ACP3: variants seen among roughly 807,000 people sequenced by gnomAD.
The protein encoded by ACP3 is acid phosphatase 3.
In ACP3, 38 loss-of-function variants were observed where a neutral mutation model predicts 45.6. The observed-to-expected ratio is 0.83, with a 90% CI of 0.64 to 1.09. The LOEUF is 1.09. Ranked by LOEUF, ACP3 falls within the 50% of genes least tolerant of loss-of-function variation. ACP3 has a pLI of 0.00. For missense variants in ACP3, 466 were observed against 463.2 expected, an observed-to-expected ratio of 1.01 and a Z score of -0.05; for synonymous variants, 162 against 164.7, an observed-to-expected ratio of 0.98 and a Z score of 0.13.
chr3:132,319,045 T>C (rs1576404277), intron 1 of ACP3, among the ~76,000 whole-genome samples: 1 of 152,202 alleles, frequency 6.6e-6, no homozygotes, highest in Admixed American at 6.5e-5. Flanking sequence ...AAAGCCAAAA[T>C]ACAAAGCTAG....
intron 1 of ACP3, 122 bp downstream of exon 1, chr3:132,317,698 C>T (rs556007449): frequency 2.7e-6 from 3 of 1,118,704 alleles, no homozygotes; most frequent in South Asian, 4.8e-5. Flanking sequence ...TCTGTTCAAA[C>T]TCAGAAAGTG....
At chr3:132,325,830 AC>A (rs1304698464) in intron 1 of ACP3, among the ~76,000 whole-genome samples, 1 of 152,194 alleles carries the variant, frequency 6.6e-6, no homozygotes, top group Non-Finnish European at 1.5e-5. Flanking sequence ...GTGAGTTTAG[AC>A]AGGTCACTTA....
At chr3:132,342,412 G>T in intron 5 of ACP3, 140 bp from the exon 6 acceptor site, 1 of 525,668 alleles carries the variant, frequency 1.9e-6, no homozygotes. Flanking sequence ...CATCTAGTGG[G>T]CAGAGGCCAG....
chr3:132,343,069 G>T (rs979464816), intron 6 of ACP3, among the ~76,000 whole-genome samples: 2 of 152,130 alleles, frequency 1.3e-5, no homozygotes, highest in African/African-American at 4.8e-5. Flanking sequence ...TATAAGCCAG[G>T]CTATTTATAT....
chr3:132,336,722 T>C (rs1937497229), intron 4 of ACP3, among the ~76,000 whole-genome samples: 1 of 152,024 alleles, frequency 6.6e-6, no homozygotes, highest in African/African-American at 2.4e-5. Flanking sequence ...AGTTTAGCCT[T>C]GTACATGTTA....
At chr3:132,320,068 A>T (rs980333714) in intron 1 of ACP3, among the ~76,000 whole-genome samples, 1 of 152,194 alleles carries the variant, frequency 6.6e-6, no homozygotes, top group Non-Finnish European at 1.5e-5. Flanking sequence ...TCAATAGTCA[A>T]GTTAGCTTTG....
At chr3:132,359,340 A>G (rs138399749), downstream of ACP3, among the ~76,000 whole-genome samples, 2,823 of 152,120 alleles carry the variant, frequency 0.019, 43 homozygotes, top group African/African-American at 0.042. Context: ...GTGAAACCCC[A>G]TCTCTACTAA....
chr3:132,367,742 T>C (rs1938153162), exon 11 of ACP3: 2 of 1,613,898 alleles, frequency 1.2e-6, no homozygotes, highest in African/African-American at 1.3e-5. Flanking sequence ...TTGCCTGATA[T>C]CTGCTGTCCT....
Position 132,332,357 on chromosome 3 carries a change from G to A in ACP3, c.456+13G>A, listed in dbSNP as rs768191606. ...TTCTGAAGATCAGGTCAGTATACTG[G>A]GAAAACCAGGAGATTTCAGATGGAC... On this transcript the variant is annotated intron_variant, in intron 4 of 9. Transcript: ENST00000336375. 9.9e-6 allele frequency: 16 copies of A among 1,613,834 alleles called. No homozygotes were observed. Among genetic ancestry groups the A allele is most frequent in the Non-Finnish European group, 1.4e-5 (16 of 1,179,938 alleles).
exon 11 of ACP3, chr3:132,367,711 G>C (rs754229931): frequency 6.2e-7 from 1 of 1,608,390 alleles, no homozygotes; most frequent in Admixed American, 1.7e-5. Flanking sequence ...CAGTTCTAAA[G>C]GTCATCTTTG....
chr3:132,341,259 C>A (rs1043932352), intron 5 of ACP3, among the ~76,000 whole-genome samples: 5 of 152,016 alleles, frequency 3.3e-5, no homozygotes, highest in African/African-American at 9.7e-5. Flanking sequence ...GGCTTTTGAA[C>A]CAAAATAGAC....
In ACP3 at chr3:132,367,789, C is replaced by T. The variant is rs773834126; in HGVS notation, c.1224C>T (p.Leu408=). ...TGTTTATCCACATTCGCCGTGGACT[C>T]TGCTGGCAGAGAGAATCCTATGGGA... The change falls in exon 11 of 11, where the codon CTC becomes CTT. Residue 408 remains leucine, a synonymous_variant. Coordinates refer to the ACP3 transcript ENST00000351273. The T allele has an allele frequency of 3.1e-6, 5 of 1,613,722 alleles. No individual in the cohort carries two copies. The East Asian group carries it at 1.1e-4, about 36-fold the overall frequency.
At chr3:132,336,948 T>G (rs1937500674) in intron 4 of ACP3, among the ~76,000 whole-genome samples, 1 of 152,178 alleles carries the variant, frequency 6.6e-6, no homozygotes, top group Non-Finnish European at 1.5e-5. Context: ...TTCTAAGTAT[T>G]TAATACGTAC....
exon 11 of ACP3, chr3:132,367,930 C>T (rs1008039639): frequency 2.4e-6 from 2 of 841,682 alleles, no homozygotes; most frequent in African/African-American, 3.3e-5. Context: ...TCCTCACACC[C>T]TGCCTTTTGA....
chr3:132,326,363 T>C (rs959507580), intron 1 of ACP3, among the ~76,000 whole-genome samples: 1 of 152,198 alleles, frequency 6.6e-6, no homozygotes, highest in Non-Finnish European at 1.5e-5. Flanking sequence ...AACTCTAAAA[T>C]GTACTTCAAT....
At chr3:132,334,748 T>C (rs1937461798) in intron 4 of ACP3, among the ~76,000 whole-genome samples, 1 of 152,192 alleles carries the variant, frequency 6.6e-6, no homozygotes, top group African/African-American at 2.4e-5. Context: ...TGGACACAGA[T>C]TAGATAATCC....
chr3:132,327,538 G>A (rs1169776148), intron 1 of ACP3, among the ~76,000 whole-genome samples: 4 of 149,368 alleles, frequency 2.7e-5, no homozygotes, highest in African/African-American at 9.9e-5. Flanking sequence ...AGTTATACTA[G>A]TTGGGCACGG....
intron 5 of ACP3, among the ~76,000 whole-genome samples, chr3:132,339,271 T>C (rs914071123): frequency 1.3e-5 from 2 of 152,356 alleles, no homozygotes; most frequent in African/African-American, 4.8e-5. Flanking sequence ...TTTTCCTATT[T>C]TTCTCACTTG....
Position 132,358,515 on chromosome 3 carries a change from T to G in ACP3, c.*1637T>G, listed in dbSNP as rs773337775. On this transcript the variant is annotated 3_prime_UTR_variant, in exon 10 of 10. Coordinates refer to ENST00000336375, the MANE Select transcript of ACP3 (RefSeq NM_001099.5). Reference sequence around the variant, plus strand: ...AGAGAACACTGTGCTCTATTACCATTATGGATAAAGATGAGATGGTTTCTA... The same window carrying G: ...AGAGAACACTGTGCTCTATTACCATGATGGATAAAGATGAGATGGTTTCTA... The G allele has an allele frequency of 6.2e-5, 76 of 1,222,392 alleles. No homozygotes were observed. Among genetic ancestry groups the G allele is most frequent in the Non-Finnish European group, 1.9e-5 (18 of 946,912 alleles). The allele number at this position is 1,222,392 out of a possible 1,614,324, so 75.7% of individuals were successfully genotyped here.
Sources: gnomAD v4.1 joint callset for allele counts (sites outside exome capture counted in the v4.1 genomes callset) on GRCh38, gnomAD v4.1.1 for gene constraint, MANE v1.5 for transcripts, NCBI Gene and HGNC (gene_info 2026-07-23, HGNC 2026-07-21) for gene names.